Variants in PTPRD observed in about 807,000 individuals in gnomAD.
PTPRD encodes receptor-type tyrosine-protein phosphatase delta.
Under a neutral mutation model 214.5 loss-of-function variants are expected in PTPRD, and 34 were observed. The ratio of observed to expected loss-of-function variants is 0.16; its 90% CI spans 0.12 to 0.21. The LOEUF (loss-of-function observed/expected upper bound fraction) is 0.21, where lower values mean the gene tolerates loss of function less well. Among genes scored for constraint, PTPRD ranks in the 10% least tolerant of loss-of-function variants. PTPRD has a pLI of 1.00. For synonymous variants in PTPRD, 1,128 were observed against 845.7 expected (o/e 1.33, Z -5.79); for missense variants, 2,545 against 2,398.7 (o/e 1.06, Z -1.27).
chr9:9,096,381 C>T (rs985904857), intron 10 of PTPRD, among the ~76,000 whole-genome samples: 11 of 152,070 alleles, frequency 7.2e-5, no homozygotes, highest in Non-Finnish European at 2.9e-5. Flanking sequence ...CAAAAGTCCC[C>T]AAGAAACAAT....
intron 10 of PTPRD, among the ~76,000 whole-genome samples, chr9:9,077,460 T>C (rs536074493): frequency 6.6e-6 from 1 of 152,232 alleles, no homozygotes; most frequent in Admixed American, 6.6e-5. Context: ...TGGTGATTTT[T>C]ATTATTAAAC....
intron 8 of PTPRD, among the ~76,000 whole-genome samples, chr9:9,426,969 A>G (rs945750695): frequency 1.3e-5 from 2 of 152,230 alleles, no homozygotes; most frequent in African/African-American, 2.4e-5. Flanking sequence ...AACAGAGCAG[A>G]AAAGATGAAA....
chr9:9,132,656 A>G (rs1020411320), intron 10 of PTPRD, among the ~76,000 whole-genome samples: 1 of 152,182 alleles, frequency 6.6e-6, no homozygotes, highest in Non-Finnish European at 1.5e-5. Flanking sequence ...AATTAAAAGG[A>G]TGTTTGATTT....
intron 14 of PTPRD, among the ~76,000 whole-genome samples, chr9:8,586,678 T>A (rs1004001225): frequency 6.6e-6 from 1 of 152,234 alleles, no homozygotes; most frequent in African/African-American, 2.4e-5. Context: ...CCTACCCTCC[T>A]ACCCCCAGTC....
At chr9:8,524,099 T>A (rs930926105) in intron 18 of PTPRD, among the ~76,000 whole-genome samples, 17 of 147,148 alleles carry the variant, frequency 1.2e-4, no homozygotes, top group African/African-American at 3.2e-4. Context: ...CTACAGGAAC[T>A]GGCTTTGAGA....
intron 14 of PTPRD, among the ~76,000 whole-genome samples, chr9:8,622,427 C>T (rs181442527): frequency 9.9e-5 from 15 of 152,036 alleles, no homozygotes; most frequent in East Asian, 3.9e-4. Context: ...TTAGTTCTTA[C>T]GGCAAGTACT....
At chr9:8,639,137 G>A (rs575357664) in intron 12 of PTPRD, among the ~76,000 whole-genome samples, 87 of 152,174 alleles carry the variant, frequency 5.7e-4, no homozygotes, top group Non-Finnish European at 7.9e-4. Flanking sequence ...CACCACGCCC[G>A]GCCTCAAAAT....
intron 34 of PTPRD, among the ~76,000 whole-genome samples, chr9:8,447,449 A>G (rs1326125874): frequency 1.3e-5 from 2 of 152,226 alleles, no homozygotes; most frequent in African/African-American, 4.8e-5. Context: ...ATAAATGGAT[A>G]TAATATTCCC....
intron 9 of PTPRD, among the ~76,000 whole-genome samples, chr9:9,359,141 C>G (rs981713892): frequency 3.3e-5 from 5 of 151,252 alleles, no homozygotes; most frequent in African/African-American, 9.7e-5. Context: ...GGCAACTTTT[C>G]CTTCATTGTA....
intron 30 of PTPRD, among the ~76,000 whole-genome samples, chr9:8,482,380 T>C (rs1209767772): frequency 1.3e-5 from 2 of 152,086 alleles, no homozygotes; most frequent in Non-Finnish European, 1.5e-5. Context: ...GTTATTTGCC[T>C]AGAGTCAACT....
chr9:9,581,074 T>C (rs2090623217), intron 7 of PTPRD, among the ~76,000 whole-genome samples: 1 of 152,134 alleles, frequency 6.6e-6, no homozygotes. Flanking sequence ...AACCCAAAAT[T>C]GTATCTTCAT....
intron 10 of PTPRD, among the ~76,000 whole-genome samples, chr9:9,042,636 G>A (rs62531118): frequency 8.8e-6 from 1 of 113,668 alleles, no homozygotes; most frequent in Non-Finnish European, 1.8e-5. Flanking sequence ...TTTTTTTTTG[G>A]TCTATTCAAC....
intron 10 of PTPRD, among the ~76,000 whole-genome samples, chr9:9,120,047 T>C (rs541136225): frequency 2.6e-4 from 40 of 152,172 alleles, no homozygotes; most frequent in Non-Finnish European, 4.7e-4. Context: ...CTGTGTTCTG[T>C]AAAACATTTT....
intron 4 of PTPRD, among the ~76,000 whole-genome samples, chr9:9,970,926 C>A (rs2095063410): frequency 6.6e-6 from 1 of 151,998 alleles, no homozygotes; most frequent in Non-Finnish European, 1.5e-5. Context: ...GTTTATTGTT[C>A]TAAATTTTAA....
chr9:9,899,284 G>A (rs1431686154), intron 5 of PTPRD, among the ~76,000 whole-genome samples: 4 of 151,922 alleles, frequency 2.6e-5, no homozygotes, highest in African/African-American at 4.8e-5. Context: ...TGGGAAAAAA[G>A]TACTGTACTT....
chr9:9,080,416 T>C (rs553876334), intron 10 of PTPRD, among the ~76,000 whole-genome samples: 2 of 152,296 alleles, frequency 1.3e-5, no homozygotes, highest in South Asian at 4.1e-4. Context: ...AGTCGCTTGC[T>C]ACTACTATGT....
chr9:8,397,346 T>C (rs2091431651), intron 36 of PTPRD, among the ~76,000 whole-genome samples: 1 of 152,130 alleles, frequency 6.6e-6, no homozygotes, highest in African/African-American at 2.4e-5. Flanking sequence ...CTTTATTGGG[T>C]GAAATAATTG....
intron 9 of PTPRD, among the ~76,000 whole-genome samples, chr9:9,350,438 T>C (rs931987923): frequency 6.6e-6 from 1 of 152,070 alleles, no homozygotes; most frequent in Admixed American, 6.6e-5. Context: ...TCAACTCCTC[T>C]GTAAGAGTCT....
rs541383439 is a variant in PTPRD, at chr9:9,424,887, C to T, written c.-236-27405G>A. Among the ~76,000 whole-genome samples the T allele has an allele frequency of 2.6e-5, 4 of 152,276 alleles. No homozygotes were observed. In the South Asian group the frequency reaches 8.3e-4, roughly 32 times the overall value. ...GATTGGCTGCAAAGAAGGTCACCAA[C>T]AATTTCTTCATCCTGTATACCTATA... On this transcript the variant is annotated intron_variant, in intron 8 of 45. Transcript: ENST00000381196.
Sources: allele counts gnomAD v4.1 joint callset (sites outside exome capture counted in the v4.1 genomes callset), GRCh38; gene constraint gnomAD v4.1.1; transcripts MANE v1.5; gene names NCBI Gene and HGNC (gene_info 2026-07-23, HGNC 2026-07-21).